TMEM167B: variants seen among roughly 807,000 people sequenced by gnomAD.
The protein encoded by TMEM167B is protein kish-B.
A neutral mutation model predicts 9.4 loss-of-function variants in TMEM167B; 2 were observed. That is an observed-to-expected ratio of 0.21 (90% CI 0.09 to 0.67). The LOEUF (loss-of-function observed/expected upper bound fraction) is 0.67, where lower values mean the gene tolerates loss of function less well. TMEM167B is among the 30% of genes least tolerant of loss of function. TMEM167B has a pLI of 0.82. For missense variants in TMEM167B, 68 were observed against 87.6 expected, an observed-to-expected ratio of 0.78 and a Z score of 0.89; for synonymous variants, 28 against 32.0, an observed-to-expected ratio of 0.87 and a Z score of 0.42.
chr1:109,094,631 C>T lies in TMEM167B; in HGVS notation c.*132C>T, dbSNP rs1664526726. On this transcript the variant is annotated 3_prime_UTR_variant, in exon 3 of 3. Transcript: ENST00000338272. Reference sequence around the variant, plus strand: ...CCAGGATGACACCACAGCATCTGCCCCTGCTATATGTGGGGAAAACTCATG... The same window carrying T: ...CCAGGATGACACCACAGCATCTGCCTCTGCTATATGTGGGGAAAACTCATG... 1 of 794,134 alleles carries T rather than the reference C, an allele frequency of 1.3e-6. No individual in the cohort carries two copies. Among genetic ancestry groups the T allele is most frequent in the South Asian group, 1.6e-5 (1 of 63,082 alleles). The allele number at this position is 794,134 out of a possible 1,614,324, so 49.2% of individuals were successfully genotyped here. A position where few individuals can be genotyped will look rare whatever the true frequency, so the allele number is the denominator to read the frequency against.
In TMEM167B at chr1:109,090,833, C is replaced by T. The variant is rs1417274452; in HGVS notation, c.-40C>T. 1.9e-6 allele frequency: 3 copies of T among 1,577,888 alleles called. No individual in the cohort carries two copies. Among genetic ancestry groups the T allele is most frequent in the Non-Finnish European group, 1.7e-6 (2 of 1,161,490 alleles). ...TCCCCCATCTCCGCCGCTATTACCA[C>T]TGAACCCGGACCCCCTACCCAGGTC... On this transcript the variant is annotated 5_prime_UTR_variant, in exon 1 of 3. Coordinates refer to ENST00000338272, the MANE Select transcript of TMEM167B (RefSeq NM_020141.4).
At position 109,090,790 on chromosome 1, in the gene TMEM167B, G is replaced by T; in HGVS notation, c.-83G>T. 2 of 1,522,536 alleles carry T rather than the reference G, an allele frequency of 1.3e-6. No individual in the cohort carries two copies. The highest frequency in any genetic ancestry group is 1.2e-5 in the South Asian group (1 of 83,570). 94.3% of individuals were successfully genotyped at this position (1,522,536 alleles called of 1,614,324 possible). A position where few individuals can be genotyped will look rare whatever the true frequency, so the allele number is the denominator to read the frequency against. ...TTCCAGTCACCTCGGCCCGGATCGG[G>T]AAGTGTCAAGCGGGCGCTCCCCCAT... On this transcript the variant is annotated 5_prime_UTR_variant, in exon 1 of 3. Transcript: ENST00000338272.
intron 1 of TMEM167B, among the ~76,000 whole-genome samples, chr1:109,092,004 C>T (rs1664461303): frequency 6.6e-6 from 1 of 152,192 alleles, no homozygotes; most frequent in African/African-American, 2.4e-5. Flanking sequence ...CAGTTTGACA[C>T]GGTAGTTGCT....
chr1:109,094,923 T>C lies in TMEM167B; in HGVS notation c.*424T>C, dbSNP rs1664534086. On this transcript the variant is annotated 3_prime_UTR_variant, in exon 3 of 3. Transcript: ENST00000338272. ...AGAGAGAGAATTTTCAAGACTTCTT[T>C]TCACTCTTTGATTTGGATCTGGCAA... 1 of 156,420 alleles carries C rather than the reference T, an allele frequency of 6.4e-6. No homozygotes were observed. Among genetic ancestry groups the C allele is most frequent in the Non-Finnish European group, 1.4e-5 (1 of 70,916 alleles). The allele number at this position is 156,420 out of a possible 1,614,324, so 9.7% of individuals were successfully genotyped here.
At chr1:109,091,034 C>T in intron 1 of TMEM167B, 152 bp downstream of exon 1, 3 of 893,070 alleles carry the variant, frequency 3.4e-6, no homozygotes, top group Middle Eastern at 3.4e-4. Flanking sequence ...TACCCCTATA[C>T]TCCTCTACGG....
chr1:109,094,574 G>A lies in TMEM167B; in HGVS notation c.*75G>A. On this transcript the variant is annotated 3_prime_UTR_variant, in exon 3 of 3. Coordinates refer to ENST00000338272, the MANE Select transcript of TMEM167B (RefSeq NM_020141.4). ...AGAACCTGTTGGAGACCTGAACCCA[G>A]TGTAGGAGAGTTCAGCTGAAATCAT... 1 of 1,405,126 alleles carries A rather than the reference G, an allele frequency of 7.1e-7. No individual in the cohort carries two copies. Among genetic ancestry groups the A allele is most frequent in the East Asian group, 2.3e-5 (1 of 43,842 alleles). 87.0% of individuals were successfully genotyped at this position (1,405,126 alleles called of 1,614,324 possible).
chr1:109,094,601 G>A lies in TMEM167B; in HGVS notation c.*102G>A, dbSNP rs905938375. 11 of 1,138,584 alleles carry A rather than the reference G, an allele frequency of 9.7e-6. No homozygotes were observed. Among genetic ancestry groups the A allele is most frequent in the African/African-American group, 6.1e-5 (4 of 65,842 alleles). The allele number at this position is 1,138,584 out of a possible 1,614,324, so 70.5% of individuals were successfully genotyped here. The stretch of plus-strand genomic sequence containing the variant: ...GTAGGAGAGTTCAGCTGAAATCATC[G>A]GTCCCCAGGATGACACCACAGCATC... On this transcript the variant is annotated 3_prime_UTR_variant, in exon 3 of 3. Transcript: ENST00000338272.
chr1:109,091,684 A>AC (rs770214871), intron 1 of TMEM167B: 2 of 152,230 alleles, frequency 1.3e-5, no homozygotes, highest in Non-Finnish European at 2.9e-5. Context: ...ACTCGAATTT[A>AC]ACCTCCTTGT....
At chr1:109,093,127 G>A in intron 2 of TMEM167B, 106 bp downstream of exon 2, 1 of 1,461,734 alleles carries the variant, frequency 6.8e-7, no homozygotes, top group African/African-American at 1.4e-5. Flanking sequence ...TTCATTTTTA[G>A]AAAAAAATCC....
rs780527758 is a variant in TMEM167B, at chr1:109,090,818, C to T, written c.-55C>T. The T allele has an allele frequency of 6.4e-7, 1 of 1,564,946 alleles. No homozygotes were observed. The highest frequency in any genetic ancestry group is 8.7e-7 in the Non-Finnish European group (1 of 1,154,244). ...GTGTCAAGCGGGCGCTCCCCCATCT[C>T]CGCCGCTATTACCACTGAACCCGGA... On this transcript the variant is annotated 5_prime_UTR_variant, in exon 1 of 3. Coordinates refer to ENST00000338272, the MANE Select transcript of TMEM167B (RefSeq NM_020141.4).
At chr1:109,093,103 G>C (rs1664487340) in intron 2 of TMEM167B, 82 bp downstream of exon 2, 7 of 1,535,382 alleles carry the variant, frequency 4.6e-6, no homozygotes, top group African/African-American at 1.4e-5. Context: ...CAGTGAGCTG[G>C]GATTATATTT....
rs1664573295 is a variant in TMEM167B at position 109,096,544 on chromosome 1, C to T, written c.*2045C>T. 1 of 152,198 alleles carries T rather than the reference C, an allele frequency of 6.6e-6. No homozygotes were observed. Among genetic ancestry groups the T allele is most frequent in the African/African-American group, 2.4e-5 (1 of 41,448 alleles). The allele number at this position is 152,198 out of a possible 1,614,324, so 9.4% of individuals were successfully genotyped here. A position where few individuals can be genotyped will look rare whatever the true frequency, so the allele number is the denominator to read the frequency against. ...CCTGGGTGGGTCGTCTTGACCCAAA[C>T]TCTTGTGTTGTTACATTTTGAGAGG... is the stretch of plus-strand genomic sequence containing the variant. On this transcript the variant is annotated 3_prime_UTR_variant, in exon 3 of 3. Transcript: ENST00000338272.
At position 109,096,601 on chromosome 1, in the gene TMEM167B, A is replaced by C. The variant is rs1028389179; in HGVS notation, c.*2102A>C. 2 of 152,246 alleles carry C rather than the reference A, an allele frequency of 1.3e-5. No homozygotes were observed. Among genetic ancestry groups the C allele is most frequent in the Non-Finnish European group, 2.9e-5 (2 of 68,044 alleles). 9.4% of individuals were successfully genotyped at this position (152,246 alleles called of 1,614,324 possible). A position where few individuals can be genotyped will look rare whatever the true frequency, so the allele number is the denominator to read the frequency against. On this transcript the variant is annotated 3_prime_UTR_variant, in exon 3 of 3. Transcript: ENST00000338272. ...TACCAGAATGTACCAAAAAGTGCAC[A>C]AGGTAAAGGTAATTTACAGCCAGAA...
In TMEM167B at chr1:109,090,795, G is replaced by A; in HGVS notation, c.-78G>A. On this transcript the variant is annotated 5_prime_UTR_variant, in exon 1 of 3. Transcript: ENST00000338272. ...GTCACCTCGGCCCGGATCGGGAAGT[G>A]TCAAGCGGGCGCTCCCCCATCTCCG... The A allele has an allele frequency of 6.5e-7, 1 of 1,537,686 alleles. No homozygotes were observed. The highest frequency in any genetic ancestry group is 2.4e-5 in the East Asian group (1 of 40,998).
intron 1 of TMEM167B, among the ~76,000 whole-genome samples, chr1:109,092,224 CGGTTTGTTA>C (rs1490866809): frequency 2.6e-5 from 4 of 152,090 alleles, no homozygotes; most frequent in African/African-American, 9.7e-5. Context: ...GGCAGAAATT[CGGTTTGTTA>C]AGAGTATCAT....
At chr1:109,091,575 A>G (rs1664451320) in intron 1 of TMEM167B, 1 of 152,222 alleles carries the variant, frequency 6.6e-6, no homozygotes, top group Non-Finnish European at 1.5e-5. Context: ...TCAACCTTAC[A>G]GGAAAGGAGA....
In TMEM167B at chr1:109,092,826, G is replaced by T. The variant is rs540604068; in HGVS notation, c.11-64G>T. 4.6e-5 allele frequency: 73 copies of T among 1,581,674 alleles called. No individual in the cohort carries two copies. The African/African-American group carries it at 6.8e-4, about 15-fold the overall frequency. On this transcript the variant is annotated intron_variant, in intron 1 of 2. Transcript: ENST00000338272. Reference sequence around the variant, plus strand: ...CACACTATCTTCCTTAGAGTTCTCAGGCGGGATCACAGGTCCGACGCTAGA... The same window carrying T: ...CACACTATCTTCCTTAGAGTTCTCATGCGGGATCACAGGTCCGACGCTAGA...
chr1:109,095,223 C>T lies in TMEM167B; in HGVS notation c.*724C>T, dbSNP rs1455880712. ...AAAAAATCTTTCTGTTCACCAGTAT[C>T]CTCAAATGGAGACTTCACTTGATCA... On this transcript the variant is annotated 3_prime_UTR_variant, in exon 3 of 3. Coordinates refer to ENST00000338272, the MANE Select transcript of TMEM167B (RefSeq NM_020141.4). 2 of 152,162 alleles carry T rather than the reference C, an allele frequency of 1.3e-5. No homozygotes were observed. The highest frequency in any genetic ancestry group is 2.9e-5 in the Non-Finnish European group (2 of 68,036). The allele number at this position is 152,162 out of a possible 1,614,324, so 9.4% of individuals were successfully genotyped here.
rs1664542231 is a variant in TMEM167B, at chr1:109,095,301, A to G, written c.*802A>G. 1 of 152,120 alleles carries G rather than the reference A, an allele frequency of 6.6e-6. No homozygotes were observed. The highest frequency in any genetic ancestry group is 1.5e-5 in the Non-Finnish European group (1 of 68,026). The allele number at this position is 152,120 out of a possible 1,614,324, so 9.4% of individuals were successfully genotyped here. On this transcript the variant is annotated 3_prime_UTR_variant, in exon 3 of 3. Transcript: ENST00000338272. ...TTGCTATTTCGTAAAACCTTTTTAT[A>G]TTTTCTAAATTTACTTAGTGCTAAA...
Sources: gnomAD v4.1 joint callset for allele counts (sites outside exome capture counted in the v4.1 genomes callset) on GRCh38, gnomAD v4.1.1 for gene constraint, MANE v1.5 for transcripts, NCBI Gene and HGNC (gene_info 2026-07-23, HGNC 2026-07-21) for gene names.